The following LHPP variants were observed in gnomAD, a reference collection of about 807,000 sequenced individuals.
The protein encoded by LHPP is phospholysine phosphohistidine inorganic pyrophosphate phosphatase.
A neutral mutation model predicts 30.3 loss-of-function variants in LHPP; 24 were observed. The observed-to-expected ratio is 0.79, with a 90% CI of 0.57 to 1.11. The LOEUF (loss-of-function observed/expected upper bound fraction) is 1.11. LHPP is among the 50% of genes most tolerant of loss of function. LHPP has a pLI of 0.00. For missense variants in LHPP, 356 were observed against 367.2 expected (o/e 0.97, Z 0.25); for synonymous variants, 150 against 157.1 (o/e 0.95, Z 0.34).
At chr10:124,581,765 A>G (rs1450725324) in intron 6 of LHPP, among the ~76,000 whole-genome samples, 1 of 101,960 alleles carries the variant, frequency 9.8e-6, no homozygotes, top group Non-Finnish European at 1.8e-5. Context: ...ACATATATGT[A>G]TATACACACA....
chr10:124,477,851 C>T (rs550485854), intron 1 of LHPP, among the ~76,000 whole-genome samples: 20 of 152,328 alleles, frequency 1.3e-4, no homozygotes, highest in African/African-American at 4.6e-4. Context: ...ACACTGCCCC[C>T]GAGGATTCCC....
rs1005729329 is a variant in LHPP, at chr10:124,499,078, C to T, written c.624+950C>T. 8.8e-4 allele frequency among the ~76,000 whole-genome samples: 133 copies of T among 151,838 alleles called. 4 individuals are homozygous for T. The highest frequency in any genetic ancestry group is 3.1e-3 in the African/African-American group (128 of 41,218). The stretch of plus-strand genomic sequence containing the variant: ...TATTTTTAGTAGAGACAGGGTTTCA[C>T]CATGTTGGCCAGGCTGGTCTCAAAT... On this transcript the variant is annotated intron_variant, in intron 5 of 6. Coordinates refer to ENST00000368842, the MANE Select transcript of LHPP (RefSeq NM_022126.4).
chr10:124,474,392 A>C (rs1206668508), intron 1 of LHPP, among the ~76,000 whole-genome samples: 1 of 151,926 alleles, frequency 6.6e-6, no homozygotes, highest in Non-Finnish European at 1.5e-5. Flanking sequence ...TGCCCACCTC[A>C]GTCTCCCAAA....
chr10:124,534,986 A>G (rs566144152), intron 6 of LHPP, among the ~76,000 whole-genome samples: 10 of 152,258 alleles, frequency 6.6e-5, no homozygotes, highest in Middle Eastern at 3.4e-3. Flanking sequence ...CTCGGCGCCT[A>G]TTGTTACAGC....
intron 6 of LHPP, among the ~76,000 whole-genome samples, chr10:124,598,703 G>A (rs929427858): frequency 2.0e-5 from 3 of 147,730 alleles, no homozygotes; most frequent in Non-Finnish European, 4.5e-5. Context: ...TGCCATCCAC[G>A]TGTCCATCTG....
intron 6 of LHPP, among the ~76,000 whole-genome samples, chr10:124,550,533 G>A (rs900361372): frequency 5.3e-5 from 8 of 152,354 alleles, no homozygotes; most frequent in Admixed American, 3.9e-4. Flanking sequence ...TGCACCGGGT[G>A]GTGTGGCTGC....
Position 124,507,035 on chromosome 10 carries a change from G to C in LHPP, c.624+8907G>C, listed in dbSNP as rs895995760. On this transcript the variant is annotated intron_variant, in intron 5 of 6. Transcript: ENST00000368842. ...TCGGGGGGTAGACAGGATTTCAGGT[G>C]AGGGGGGTAGGGAGGATTTCAGGTG... is the stretch of plus-strand genomic sequence containing the variant. 3.4e-3 allele frequency among the ~76,000 whole-genome samples: 54 copies of C among 15,708 alleles called. 6 individuals are homozygous for C. In the East Asian group the frequency reaches 0.04, roughly 12 times the overall value. The allele number at this position is 15,708 out of a possible 152,430, so 10.3% of individuals were successfully genotyped here.
intron 6 of LHPP, among the ~76,000 whole-genome samples, chr10:124,563,882 C>T (rs1267412914): frequency 6.6e-6 from 1 of 152,188 alleles, no homozygotes; most frequent in Non-Finnish European, 1.5e-5. Flanking sequence ...GCTGCACAGC[C>T]AGACAGATGC....
chr10:124,466,494 T>A (rs977855002), intron 1 of LHPP, among the ~76,000 whole-genome samples: 3 of 152,168 alleles, frequency 2.0e-5, no homozygotes, highest in Admixed American at 1.3e-4. Context: ...TGTTGCTCTG[T>A]CACCCAGATT....
At chr10:124,506,230 G>C (rs907999423) in intron 5 of LHPP, among the ~76,000 whole-genome samples, 1 of 150,964 alleles carries the variant, frequency 6.6e-6, no homozygotes, top group Non-Finnish European at 1.5e-5. Context: ...GGCTGGACAA[G>C]AGAGTAAGAC....
chr10:124,467,066 G>A (rs540770993), intron 1 of LHPP, among the ~76,000 whole-genome samples: 4 of 151,938 alleles, frequency 2.6e-5, no homozygotes, highest in Non-Finnish European at 5.9e-5. Flanking sequence ...TGAGGCTGCC[G>A]TGAGCTATGA....
intron 6 of LHPP, among the ~76,000 whole-genome samples, chr10:124,595,979 C>T (rs1004274631): frequency 1.3e-5 from 2 of 152,150 alleles, no homozygotes; most frequent in African/African-American, 2.4e-5. Flanking sequence ...GGGAGCTAGC[C>T]CGTGCCTTCA....
intron 6 of LHPP, among the ~76,000 whole-genome samples, chr10:124,534,712 A>G (rs1954980884): frequency 6.6e-6 from 1 of 151,896 alleles, no homozygotes; most frequent in South Asian, 2.1e-4. Context: ...GCAGGTTCCT[A>G]TGCGCTCTCG....
chr10:124,491,551 G>A (rs1490650762), intron 3 of LHPP, among the ~76,000 whole-genome samples: 5 of 152,214 alleles, frequency 3.3e-5, no homozygotes, highest in African/African-American at 1.2e-4. Context: ...GATCAGGAGT[G>A]CCAGTTGGTG....
intron 6 of LHPP, among the ~76,000 whole-genome samples, chr10:124,569,737 C>T (rs11591769): frequency 0.048 from 7,333 of 152,256 alleles, 263 homozygotes; most frequent in Non-Finnish European, 0.071. Flanking sequence ...GGAAACAGAC[C>T]TGTAAGGCAG....
rs1199152562 is a variant in LHPP, at chr10:124,517,584, C to T, written c.716+313C>T. ...AGGGAGTTGGGCCGAATTTGTGCTG[C>T]TGTCCCTTTGGCAATTTGATCAGAC... On this transcript the variant is annotated intron_variant, in intron 6 of 6. Transcript: ENST00000368842. This position sits in a 1 kb window ranked among gnomAD's most constrained non-coding sequence, Gnocchi z 4.1. Among the ~76,000 whole-genome samples, 2 of 152,194 alleles carry T rather than the reference C, an allele frequency of 1.3e-5. No homozygotes were observed. Among genetic ancestry groups the T allele is most frequent in the Non-Finnish European group, 2.9e-5 (2 of 68,040 alleles).
At chr10:124,509,942 C>T (rs1490532803) in intron 5 of LHPP, among the ~76,000 whole-genome samples, 2 of 152,142 alleles carry the variant, frequency 1.3e-5, no homozygotes, top group Non-Finnish European at 2.9e-5. Context: ...ATGTTTCCCT[C>T]CAGCACCTAG....
At chr10:124,486,007 A>G (rs1953313398) in intron 2 of LHPP, among the ~76,000 whole-genome samples, 1 of 152,134 alleles carries the variant, frequency 6.6e-6, no homozygotes, top group African/African-American at 2.4e-5. Context: ...CCATGTTATT[A>G]TTTAGATGCA....
chr10:124,534,273 T>C (rs1954966850), intron 6 of LHPP, among the ~76,000 whole-genome samples: 1 of 152,196 alleles, frequency 6.6e-6, no homozygotes, highest in Non-Finnish European at 1.5e-5. Context: ...GCTGGGGAGC[T>C]CAGCAGCTGG....
Sources: gnomAD v4.1 joint callset for allele counts (sites outside exome capture counted in the v4.1 genomes callset) on GRCh38, gnomAD v4.1.1 for gene constraint, Gnocchi (gnomAD v3.1) non-coding constraint, MANE v1.5 for transcripts, NCBI Gene and HGNC (gene_info 2026-07-23, HGNC 2026-07-21) for gene names.